The following PAM variants were observed in gnomAD, a reference collection of about 807,000 sequenced individuals.
PAM encodes peptidylglycine alpha-amidating monooxygenase, also known as peptidyl-glycine alpha-amidating monooxygenase.
PAM carries 72 observed loss-of-function variants against 122.1 expected under a neutral mutation model. The observed-to-expected ratio is 0.59, with a 90% confidence interval of 0.49 to 0.72. PAM has a LOEUF of 0.72. PAM is among the 30% of genes least tolerant of loss of function. The probability of loss-of-function intolerance (pLI) is 0.00; values close to 1 mark genes in which losing one functional copy is unlikely to be tolerated. For synonymous variants in PAM, 389 were observed against 404.4 expected (o/e 0.96, Z 0.46); for missense variants, 1,106 against 1,183.7 (o/e 0.93, Z 0.96).
At chr5:103,006,363 TA>T (rs1463096966) in intron 18 of PAM, among the ~76,000 whole-genome samples, 1 of 137,582 alleles carries the variant, frequency 7.3e-6, no homozygotes, top group Non-Finnish European at 1.6e-5. Flanking sequence ...AAATTTGTGT[TA>T]TTTTTAAAAG....
intron 7 of PAM, among the ~76,000 whole-genome samples, chr5:102,939,625 T>A (rs189082143): frequency 7.8e-4 from 119 of 152,236 alleles, no homozygotes; most frequent in Admixed American, 1.6e-3. Context: ...AATTTAGAAG[T>A]GCCTTATGTT....
Position 102,864,184 on chromosome 5 carries a change from ATTTTTT to A in PAM, c.-373-1630_-373-1625del, listed in dbSNP as rs201056087. ...TCTTCATATATATATATATATATAT[ATTTTTT>A]TTTTTTTTAAAGAACTTCAGGGAAT... On this transcript the variant is annotated intron_variant, in intron 1 of 25. Transcript: ENST00000438793. 6.9e-3 allele frequency among the ~76,000 whole-genome samples: 923 copies of A among 133,666 alleles called. 7 individuals are homozygous for A. The highest frequency in any genetic ancestry group is 0.013 in the Non-Finnish European group (782 of 62,284). 87.7% of individuals were successfully genotyped at this position (133,666 alleles called of 152,430 possible). A position where few individuals can be genotyped will look rare whatever the true frequency, so the allele number is the denominator to read the frequency against.
At chr5:102,873,694 T>C (rs1303358673) in intron 3 of PAM, 2 of 152,192 alleles carry the variant, frequency 1.3e-5, no homozygotes, top group African/African-American at 4.8e-5. Flanking sequence ...CATTGGGACT[T>C]GATGGGAAAC....
At chr5:102,841,252 A>G (rs1297704752) in intron 1 of PAM, among the ~76,000 whole-genome samples, 1 of 152,186 alleles carries the variant, frequency 6.6e-6, no homozygotes, top group Non-Finnish European at 1.5e-5. Flanking sequence ...GGTTACTACT[A>G]TCTTTTCTCC....
chr5:102,793,901 C>G (rs1762696430), intron 1 of PAM, among the ~76,000 whole-genome samples: 1 of 151,894 alleles, frequency 6.6e-6, no homozygotes, highest in African/African-American at 2.4e-5. Flanking sequence ...ATATATTATG[C>G]TATATTTATC....
chr5:102,948,320 C>T, intron 8 of PAM, 58 bp from the exon 9 acceptor site: 1 of 956,756 alleles, frequency 1.0e-6, no homozygotes, highest in East Asian at 2.4e-5. Context: ...GCTGTTTTTC[C>T]AAAACAGTCA....
chr5:102,843,033 TAG>T (rs2150595699), intron 1 of PAM, among the ~76,000 whole-genome samples: 1 of 152,286 alleles, frequency 6.6e-6, no homozygotes, highest in South Asian at 2.1e-4. Context: ...GTCAGCCCAC[TAG>T]GTGAAAAGAA....
chr5:102,918,655 CTACT>C (rs1746322627), intron 5 of PAM, among the ~76,000 whole-genome samples: 1 of 151,964 alleles, frequency 6.6e-6, no homozygotes. Flanking sequence ...AAGTGATTAG[CTACT>C]TAGAGTTTCA....
rs1784609342 is a variant in PAM at position 103,025,212 on chromosome 5, T to C, written c.2567T>C (p.Leu856Pro). The C allele has an allele frequency of 2.0e-5, 32 of 1,613,752 alleles. No individual in the cohort carries two copies. Among genetic ancestry groups the C allele is most frequent in the Middle Eastern group, 3.3e-4 (2 of 6,060 alleles). The change falls in exon 24 of 26, where the codon CTG becomes CCG. Residue 856 changes from leucine (L) to proline (P), a missense_variant. This residue lies in a region of PAM where 333 missense variants were observed against 335.6 expected (regional missense o/e 0.99). Transcript: ENST00000438793. Reference sequence around the variant, plus strand: ...CAGAAGATGCAAGAGAAACAGAAACTGATCAAAGAGCCAGGCTCGGGAGTG... The same window carrying C: ...CAGAAGATGCAAGAGAAACAGAAACCGATCAAAGAGCCAGGCTCGGGAGTG... ...ELQKMQEKQK[L>P]IKEPGSGVPV...
chr5:102,955,441 G>A (rs17154860), intron 12 of PAM, among the ~76,000 whole-genome samples: 43,480 of 151,752 alleles, frequency 0.29, 6,503 homozygotes, highest in East Asian at 0.43. Context: ...GGGCAAACAT[G>A]CTATGTCATA....
At chr5:102,814,600 T>C (rs1249682747) in intron 1 of PAM, among the ~76,000 whole-genome samples, 2 of 149,234 alleles carry the variant, frequency 1.3e-5, no homozygotes, top group Non-Finnish European at 3.0e-5. Context: ...TATATTGATA[T>C]ATACATATAT....
chr5:102,976,718 C>A (rs560968730), intron 15 of PAM, among the ~76,000 whole-genome samples: 62 of 152,238 alleles, frequency 4.1e-4, no homozygotes, highest in African/African-American at 1.4e-3. Flanking sequence ...AATATTATAG[C>A]TCATACTTAT....
At chr5:102,758,088 TTTTTTTTTTTTTTTTTTTTTC>T (rs1751121159) in intron 1 of PAM, among the ~76,000 whole-genome samples, 2 of 56,892 alleles carry the variant, frequency 3.5e-5, no homozygotes, top group African/African-American at 1.2e-4. Context: ...TTTTTTTTTT[TTTTTTTTTTTTTTTTTTTTTC>T]TTGGGGCAAA....
intron 6 of PAM, among the ~76,000 whole-genome samples, chr5:102,925,860 A>G (rs867274402): frequency 6.6e-6 from 1 of 152,164 alleles, no homozygotes; most frequent in Middle Eastern, 3.2e-3. Context: ...CTTTATTAAC[A>G]GTAAGACTAA....
chr5:102,831,717 CAAT>C (rs1775509135), intron 1 of PAM, among the ~76,000 whole-genome samples: 1 of 152,094 alleles, frequency 6.6e-6, no homozygotes, highest in Non-Finnish European at 1.5e-5. Context: ...AAATTTCTAA[CAAT>C]GATGATTACT....
chr5:102,843,471 G>A (rs1334516524), intron 1 of PAM, among the ~76,000 whole-genome samples: 3 of 152,084 alleles, frequency 2.0e-5, no homozygotes, highest in African/African-American at 4.8e-5. Flanking sequence ...GTTCTTAGAC[G>A]TGACACTAAA....
chr5:102,896,290 A>G (rs2151334060), intron 3 of PAM, among the ~76,000 whole-genome samples: 1 of 151,784 alleles, frequency 6.6e-6, no homozygotes, highest in East Asian at 2.0e-4. Context: ...GATTCTTCTC[A>G]TCATCAGCCA....
intron 5 of PAM, among the ~76,000 whole-genome samples, chr5:102,923,194 T>G (rs553562836): frequency 6.6e-6 from 1 of 152,328 alleles, no homozygotes; most frequent in African/African-American, 2.4e-5. Flanking sequence ...TTGTCTGCAC[T>G]CATTGCCTAT....
At chr5:102,908,713 A>G (rs1054378198) in intron 4 of PAM, among the ~76,000 whole-genome samples, 5 of 151,574 alleles carry the variant, frequency 3.3e-5, no homozygotes, top group African/African-American at 1.2e-4. Context: ...AACTTAAAGT[A>G]TAATAATAAA....
Sources: allele counts gnomAD v4.1 joint callset (sites outside exome capture counted in the v4.1 genomes callset), GRCh38; gene constraint gnomAD v4.1.1; regional missense constraint gnomAD v4.1.1; transcripts MANE v1.5; gene names NCBI Gene and HGNC (gene_info 2026-07-23, HGNC 2026-07-21).